GATAD2B: variants seen among roughly 807,000 people sequenced by gnomAD.
GATAD2B encodes GATA zinc finger domain containing 2B, also known as transcriptional repressor p66-beta.
GATAD2B carries 8 observed loss-of-function variants against 64.3 expected under a neutral mutation model. The observed-to-expected ratio is 0.12, with a 90% CI of 0.07 to 0.22. The LOEUF is 0.22. Among genes scored for constraint, GATAD2B ranks in the 10% least tolerant of loss-of-function variants. The pLI is 1.00. For synonymous variants in GATAD2B, 281 were observed against 271.3 expected, an observed-to-expected ratio of 1.04 and a Z score of -0.35; for missense variants, 453 against 752.0, an observed-to-expected ratio of 0.60 and a Z score of 4.65.
chr1:153,894,150 G>A lies in GATAD2B; in HGVS notation c.-2+28583C>T, dbSNP rs1368537221. 2.6e-5 allele frequency among the ~76,000 whole-genome samples: 4 copies of A among 152,012 alleles called. No homozygotes were observed. The East Asian group carries it at 7.8e-4, about 29-fold the overall frequency. ...GTGGCTACCTGTTGGAGTGGAGGAG[G>A]GTAATGACTAGGAGAGAACATAAAA... On this transcript the variant is annotated intron_variant, in intron 1 of 10. Coordinates refer to ENST00000368655, the MANE Select transcript of GATAD2B (RefSeq NM_020699.4).
chr1:153,902,552 T>C (rs1364117121), intron 1 of GATAD2B, among the ~76,000 whole-genome samples: 1 of 152,078 alleles, frequency 6.6e-6, no homozygotes, highest in Non-Finnish European at 1.5e-5. Context: ...CCTCCCGGGC[T>C]CAAGGGATTC....
chr1:153,824,420 C>A (rs1183898308), intron 2 of GATAD2B, among the ~76,000 whole-genome samples: 1 of 151,932 alleles, frequency 6.6e-6, no homozygotes, highest in Admixed American at 6.6e-5. Flanking sequence ...ACAAGGTCAG[C>A]AGATCGAGAC....
At chr1:153,820,640 T>C (rs1015220157) in intron 2 of GATAD2B, among the ~76,000 whole-genome samples, 12 of 152,080 alleles carry the variant, frequency 7.9e-5, no homozygotes, top group Non-Finnish European at 1.2e-4. Flanking sequence ...CTTTTTTTTT[T>C]CCCTCTTGAG....
intron 1 of GATAD2B, chr1:153,852,999 T>C: frequency 8.9e-7 from 1 of 1,118,246 alleles, no homozygotes; most frequent in South Asian, 1.3e-5. Flanking sequence ...TCACTACCCC[T>C]TTGGTCTTGT....
chr1:153,836,174 TTGTG>T, intron 1 of GATAD2B, among the ~76,000 whole-genome samples: 1 of 152,088 alleles, frequency 6.6e-6, no homozygotes, highest in South Asian at 2.1e-4. Flanking sequence ...AGGCAGTGGC[TTGTG>T]TGTGTAATCC....
At chr1:153,863,864 T>C (rs780864540) in intron 1 of GATAD2B, among the ~76,000 whole-genome samples, 5 of 152,122 alleles carry the variant, frequency 3.3e-5, no homozygotes, top group Admixed American at 6.6e-5. Context: ...GACCTTGTGA[T>C]CCACCTGCCT....
intron 4 of GATAD2B, 131 bp from the exon 5 acceptor site, chr1:153,818,302 A>T: frequency 6.7e-6 from 4 of 596,126 alleles, no homozygotes; most frequent in Non-Finnish European, 1.1e-5. Flanking sequence ...AGAAAAAGGG[A>T]GTCAAGGTTT....
chr1:153,825,819 T>C (rs1674855669), intron 2 of GATAD2B, among the ~76,000 whole-genome samples: 1 of 152,146 alleles, frequency 6.6e-6, no homozygotes, highest in African/African-American at 2.4e-5. Context: ...CATCAAAAGG[T>C]AGAGAAAGTA....
At chr1:153,913,776 C>T (rs1158522102) in intron 1 of GATAD2B, among the ~76,000 whole-genome samples, 1 of 151,496 alleles carries the variant, frequency 6.6e-6, no homozygotes. Context: ...AAAAATTAGC[C>T]AGGCATGGTG....
intron 1 of GATAD2B, among the ~76,000 whole-genome samples, chr1:153,846,733 G>GT (rs1675702566): frequency 6.6e-6 from 1 of 151,456 alleles, no homozygotes; most frequent in South Asian, 2.1e-4. Flanking sequence ...GCTAATTTTT[G>GT]TATTTTTAGT....
chr1:153,881,491 G>A (rs1333535618), intron 1 of GATAD2B, among the ~76,000 whole-genome samples: 2 of 152,128 alleles, frequency 1.3e-5, no homozygotes, highest in Non-Finnish European at 2.9e-5. Flanking sequence ...CAATAATTCT[G>A]CAACAAATTT....
chr1:153,819,286 CTTAGG>C (rs1466323931), intron 3 of GATAD2B, among the ~76,000 whole-genome samples: 1 of 152,218 alleles, frequency 6.6e-6, no homozygotes, highest in African/African-American at 2.4e-5. Flanking sequence ...TATTCAGTTA[CTTAGG>C]TTAGAGTGCA....
intron 1 of GATAD2B, among the ~76,000 whole-genome samples, chr1:153,892,292 T>C (rs1046560055): frequency 1.3e-5 from 2 of 151,542 alleles, no homozygotes; most frequent in East Asian, 1.9e-4. Flanking sequence ...TTATAGTATA[T>C]AGAACACTAC....
chr1:153,884,463 A>G lies in GATAD2B; in HGVS notation c.-2+38270T>C, dbSNP rs535122775. Among the ~76,000 whole-genome samples the G allele has an allele frequency of 9.5e-5, 14 of 147,894 alleles. No individual in the cohort carries two copies. In the South Asian group the frequency reaches 1.5e-3, roughly 16 times the overall value. On this transcript the variant is annotated intron_variant, in intron 1 of 10. Transcript: ENST00000368655. ...ACCTCAAAAAAAAAATTAGCCGGGCATGGTGGCAGGTGCCTGTAATCCCAG... is the reference window on the plus strand; with the variant it reads ...ACCTCAAAAAAAAAATTAGCCGGGCGTGGTGGCAGGTGCCTGTAATCCCAG...
intron 1 of GATAD2B, among the ~76,000 whole-genome samples, chr1:153,836,703 T>G (rs762234926): frequency 1.3e-5 from 2 of 152,122 alleles, no homozygotes; most frequent in Non-Finnish European, 2.9e-5. Context: ...TAGCAAGATA[T>G]ACACATTTAA....
chr1:153,812,067 A>G lies in GATAD2B; in HGVS notation c.1485T>C (p.Ser495=). 1 of 1,613,272 alleles carries G rather than the reference A, an allele frequency of 6.2e-7. No individual in the cohort carries two copies. Among genetic ancestry groups the G allele is most frequent in the Non-Finnish European group, 8.5e-7 (1 of 1,179,474 alleles). Residue 495 remains serine, a synonymous_variant, in exon 9 of 11, where the codon AGT becomes AGC. Coordinates refer to ENST00000368655, the MANE Select transcript of GATAD2B (RefSeq NM_020699.4). ...LSPTTAPAVS[S]VSKQETIMRH... ...TCATGATGGTCTCTTGTTTACTGAC[A>G]CTGGACACAGCTGGAGCCGTAGTGG... is the stretch of plus-strand genomic sequence containing the variant.
intron 3 of GATAD2B, 142 bp from the exon 4 acceptor site, chr1:153,819,064 T>A: frequency 1.2e-6 from 1 of 809,584 alleles, no homozygotes; most frequent in South Asian, 1.8e-5. Context: ...TTTGTATCAC[T>A]GGAGTCTGGC....
At chr1:153,825,706 G>C (rs1406022123) in intron 2 of GATAD2B, among the ~76,000 whole-genome samples, 2 of 152,132 alleles carry the variant, frequency 1.3e-5, no homozygotes, top group Non-Finnish European at 2.9e-5. Context: ...TTACAGGTGT[G>C]AGCCACCGCT....
At chr1:153,901,642 T>C (rs1216070227) in intron 1 of GATAD2B, among the ~76,000 whole-genome samples, 1 of 151,458 alleles carries the variant, frequency 6.6e-6, no homozygotes, top group Non-Finnish European at 1.5e-5. Context: ...CTGGCTAACA[T>C]GGTGAAACCC....
Sources: allele counts gnomAD v4.1 joint callset (sites outside exome capture counted in the v4.1 genomes callset), GRCh38; gene constraint gnomAD v4.1.1; transcripts MANE v1.5; gene names NCBI Gene and HGNC (gene_info 2026-07-23, HGNC 2026-07-21).